TENM2: variants seen among roughly 807,000 people sequenced by gnomAD.
The protein encoded by TENM2 is teneurin transmembrane protein 2, also known as teneurin-2.
A neutral mutation model predicts 245.2 loss-of-function variants in TENM2; 52 were observed. That is an observed-to-expected ratio of 0.21 (90% confidence interval 0.17 to 0.27). TENM2 has a LOEUF of 0.27. Ranked by LOEUF, TENM2 falls within the 10% of genes least tolerant of loss-of-function variation. The probability of loss-of-function intolerance (pLI) is 1.00; values close to 1 mark genes in which losing one functional copy is unlikely to be tolerated. For missense variants in TENM2, 3,046 were observed against 3,666.8 expected, an observed-to-expected ratio of 0.83 and a Z score of 4.37; for synonymous variants, 1,363 against 1,438.9, an observed-to-expected ratio of 0.95 and a Z score of 1.19.
chr5:168,236,924 C>T (rs75105001), intron 25 of TENM2, among the ~76,000 whole-genome samples: 7,569 of 90,342 alleles, frequency 0.084, 324 homozygotes, highest in Middle Eastern at 0.21. Context: ...ATTTTGAGAC[C>T]ACAGATGTCC....
At chr5:167,164,301 T>C in the TENM2 span, among the ~76,000 whole-genome samples, 1 of 152,102 alleles carries the variant, frequency 6.6e-6, no homozygotes, top group Non-Finnish European at 1.5e-5. Flanking sequence ...ACAAATGGAG[T>C]GGTTTGGACT....
intron 28 of TENM2, among the ~76,000 whole-genome samples, chr5:168,261,623 A>C (rs146368085): frequency 1.4e-3 from 211 of 152,360 alleles, no homozygotes; most frequent in Non-Finnish European, 2.4e-3. Context: ...GAGGCTGTTC[A>C]AATCAACATC....
the TENM2 span, among the ~76,000 whole-genome samples, chr5:167,091,548 C>A: frequency 6.6e-6 from 1 of 152,086 alleles, no homozygotes; most frequent in African/African-American, 2.4e-5. Context: ...TGGAGAAGAA[C>A]TTAGAATAAA....
intron 3 of TENM2, among the ~76,000 whole-genome samples, chr5:167,926,279 CCT>C (rs1481477646): frequency 6.6e-6 from 1 of 152,082 alleles, no homozygotes; most frequent in African/African-American, 2.4e-5. Flanking sequence ...TTGTTGAATT[CCT>C]CTCTGTTGTT....
At position 167,635,633 on chromosome 5, in the gene TENM2, CTTTTTTTTTTTTTTTTTTTTTT is replaced by C. The variant is rs76155764; in HGVS notation, c.503-240345_503-240324del. Among the ~76,000 whole-genome samples the C allele has an allele frequency of 1.2e-4, 9 of 74,942 alleles. No homozygotes were observed. In the South Asian group the frequency reaches 5.4e-3, roughly 45 times the overall value. 49.2% of individuals were successfully genotyped at this position (74,942 alleles called of 152,430 possible). ...GGAATCTGGCTATGATCAGTACAGT[CTTTTTTTTTTTTTTTTTTTTTT>C]TTTTTTTGAGACGGAGTCTCGCTCT... On this transcript the variant is annotated intron_variant, in intron 2 of 28. Coordinates refer to ENST00000518659, the Ensembl canonical transcript of TENM2.
At chr5:168,018,378 C>CTTTT (rs60778530) in intron 5 of TENM2, among the ~76,000 whole-genome samples, 1 of 143,214 alleles carries the variant, frequency 7.0e-6, no homozygotes, top group African/African-American at 2.5e-5. Flanking sequence ...GTTGTGAGCT[C>CTTTT]TTTTTTTTTT....
chr5:167,245,119 C>A, the TENM2 span, among the ~76,000 whole-genome samples: 3 of 152,100 alleles, frequency 2.0e-5, no homozygotes, highest in Non-Finnish European at 4.4e-5. Flanking sequence ...CCCCCTCCTT[C>A]CTCAAATGTA....
intron 2 of TENM2, among the ~76,000 whole-genome samples, chr5:167,783,171 A>C (rs1334157490): frequency 4.7e-5 from 2 of 42,584 alleles, no homozygotes; most frequent in Non-Finnish European, 1.1e-4. Context: ...AACTAGAAAC[A>C]GGTTTTTTTT....
chr5:167,806,830 T>A (rs1163531692), intron 2 of TENM2, among the ~76,000 whole-genome samples: 1 of 151,952 alleles, frequency 6.6e-6, no homozygotes, highest in Non-Finnish European at 1.5e-5. Context: ...TCAGGAAAGT[T>A]CCCAAAACAA....
the TENM2 span, among the ~76,000 whole-genome samples, chr5:167,086,420 GC>G: frequency 6.6e-6 from 1 of 152,054 alleles, no homozygotes; most frequent in Non-Finnish European, 1.5e-5. Flanking sequence ...CTTCCTCATG[GC>G]CCCGAGGTCC....
At chr5:168,141,972 G>T (rs1171845025) in intron 12 of TENM2, among the ~76,000 whole-genome samples, 1 of 152,174 alleles carries the variant, frequency 6.6e-6, no homozygotes, top group Non-Finnish European at 1.5e-5. Context: ...GTAGCCTCAG[G>T]TGCATACATT....
At chr5:167,749,408 A>G (rs11949355) in intron 2 of TENM2, among the ~76,000 whole-genome samples, 15,783 of 152,102 alleles carry the variant, frequency 0.1, 1,389 homozygotes, top group East Asian at 0.43. Context: ...GGGAGGCCGA[A>G]GCGGGCAGAT....
At chr5:167,356,974 G>A (rs1422073057) in intron 1 of TENM2, among the ~76,000 whole-genome samples, 2 of 152,172 alleles carry the variant, frequency 1.3e-5, no homozygotes, top group Middle Eastern at 3.4e-3. Flanking sequence ...AAGCTTTTCC[G>A]TGGGTGCCTG....
At chr5:167,398,352 T>TC (rs1333280871) in intron 2 of TENM2, among the ~76,000 whole-genome samples, 5 of 151,356 alleles carry the variant, frequency 3.3e-5, no homozygotes, top group Admixed American at 6.6e-5. Flanking sequence ...TTTCTTTCCT[T>TC]CTTTCTTTCT....
At chr5:167,508,870 A>G (rs1769736193) in intron 2 of TENM2, among the ~76,000 whole-genome samples, 1 of 152,124 alleles carries the variant, frequency 6.6e-6, no homozygotes, top group African/African-American at 2.4e-5. Flanking sequence ...GCTCAGCTGG[A>G]GTGCAATGGC....
the TENM2 span, among the ~76,000 whole-genome samples, chr5:167,037,055 A>C: frequency 6.6e-6 from 1 of 152,200 alleles, no homozygotes; most frequent in African/African-American, 2.4e-5. Flanking sequence ...CCTCAATCCC[A>C]TTTTCAACAA....
chr5:167,547,094 T>C (rs562295552), intron 2 of TENM2, among the ~76,000 whole-genome samples: 4 of 152,258 alleles, frequency 2.6e-5, no homozygotes, highest in South Asian at 4.2e-4. Context: ...TTATTATTAT[T>C]ATTATTTTGA....
the TENM2 span, among the ~76,000 whole-genome samples, chr5:166,986,735 A>G: frequency 6.6e-6 from 1 of 152,176 alleles, no homozygotes; most frequent in Non-Finnish European, 1.5e-5. Context: ...AATTTAGAGA[A>G]GTCACTGGGT....
intron 5 of TENM2, among the ~76,000 whole-genome samples, chr5:167,996,807 C>T (rs893774286): frequency 2.6e-5 from 4 of 152,110 alleles, no homozygotes; most frequent in Admixed American, 2.0e-4. Context: ...AGCATGATCT[C>T]GGCTCACTGC....
Sources: gnomAD v4.1 joint callset for allele counts (sites outside exome capture counted in the v4.1 genomes callset) on GRCh38, gnomAD v4.1.1 for gene constraint, MANE v1.5 for transcripts, NCBI Gene and HGNC (gene_info 2026-07-23, HGNC 2026-07-21) for gene names.